PDE4D: variants seen among roughly 807,000 people sequenced by gnomAD.
PDE4D encodes the protein 3',5'-cyclic-AMP phosphodiesterase 4D.
In PDE4D, 24 loss-of-function variants were observed where a neutral mutation model predicts 87.4. That is an observed-to-expected ratio of 0.27 (90% CI 0.20 to 0.39). The LOEUF is 0.39. Among genes scored for constraint, PDE4D ranks in the 10% least tolerant of loss-of-function variants. PDE4D has a pLI of 1.00. For synonymous variants in PDE4D, 384 were observed against 383.2 expected (o/e 1.00, Z -0.02); for missense variants, 714 against 1,041.0 (o/e 0.69, Z 4.32).
chr5:60,214,961 C>T (rs1200391293), intron 1 of PDE4D, among the ~76,000 whole-genome samples: 2 of 152,066 alleles, frequency 1.3e-5, no homozygotes, highest in African/African-American at 4.8e-5. Context: ...CTGTATTCTT[C>T]CTCTCTCCCA....
intron 1 of PDE4D, among the ~76,000 whole-genome samples, chr5:59,571,951 T>A (rs996329631): frequency 1.3e-5 from 2 of 152,244 alleles, no homozygotes; most frequent in Non-Finnish European, 2.9e-5. Flanking sequence ...TTGGCATTCG[T>A]CTACATCCTC....
intron 1 of PDE4D, among the ~76,000 whole-genome samples, chr5:60,368,156 GA>G (rs1194353108): frequency 6.6e-6 from 1 of 152,110 alleles, no homozygotes; most frequent in African/African-American, 2.4e-5. Context: ...AAATAACAAC[GA>G]TAAGTTTTCT....
intron 1 of PDE4D, among the ~76,000 whole-genome samples, chr5:59,394,406 G>A (rs983129727): frequency 6.6e-6 from 1 of 152,096 alleles, no homozygotes; most frequent in African/African-American, 2.4e-5. Flanking sequence ...CTGAAGGGAG[G>A]TTTCTGGGCC....
rs564163365 is a variant in PDE4D at position 59,731,117 on chromosome 5, T to TA, written c.455+162050dup. 6.5e-3 allele frequency among the ~76,000 whole-genome samples: 985 copies of TA among 151,878 alleles called. 11 individuals are homozygous for TA. The highest frequency in any genetic ancestry group is 0.022 in the African/African-American group (897 of 41,386). Reference sequence around the variant, plus strand: ...TTAATCACCCAATAATATGTCTAGTTAAAAAAAACAAGCTCCTCAGCTTCC... The same window carrying TA: ...TTAATCACCCAATAATATGTCTAGTTAAAAAAAAACAAGCTCCTCAGCTTCC... On this transcript the variant is annotated intron_variant, in intron 1 of 14. Coordinates refer to ENST00000340635, the MANE Select transcript of PDE4D (RefSeq NM_001104631.2).
chr5:59,325,747 C>A (rs1294663915), intron 1 of PDE4D, among the ~76,000 whole-genome samples: 1 of 152,080 alleles, frequency 6.6e-6, no homozygotes, highest in African/African-American at 2.4e-5. Flanking sequence ...TGAGCCAGTA[C>A]TATTGACAGT....
intron 1 of PDE4D, among the ~76,000 whole-genome samples, chr5:60,270,605 T>C (rs1750712936): frequency 1.3e-5 from 2 of 152,146 alleles, no homozygotes; most frequent in Admixed American, 1.3e-4. Flanking sequence ...AAAAGAAAAG[T>C]CCAGAAATCA....
chr5:60,002,466 GA>G (rs1255411364), intron 2 of PDE4D, among the ~76,000 whole-genome samples: 1 of 151,598 alleles, frequency 6.6e-6, no homozygotes, highest in Non-Finnish European at 1.5e-5. Flanking sequence ...GACCCTATAA[GA>G]AAAAAAATTA....
intron 1 of PDE4D, among the ~76,000 whole-genome samples, chr5:59,802,107 A>G (rs1388519483): frequency 6.6e-6 from 1 of 152,224 alleles, no homozygotes; most frequent in Non-Finnish European, 1.5e-5. Flanking sequence ...AAGAAACTCT[A>G]AAACATTTTT....
At chr5:59,428,046 G>C (rs960664976) in intron 1 of PDE4D, among the ~76,000 whole-genome samples, 2 of 152,136 alleles carry the variant, frequency 1.3e-5, no homozygotes, top group East Asian at 3.8e-4. Context: ...TTAAGATTTA[G>C]TATGTTAACT....
At chr5:59,149,524 C>T (rs1174132580) in intron 5 of PDE4D, among the ~76,000 whole-genome samples, 2 of 152,006 alleles carry the variant, frequency 1.3e-5, no homozygotes, top group Non-Finnish European at 2.9e-5. Context: ...AAGTTACAGC[C>T]TAAGGACAAA....
chr5:60,275,997 A>G (rs1751329480), intron 1 of PDE4D, among the ~76,000 whole-genome samples: 1 of 152,048 alleles, frequency 6.6e-6, no homozygotes, highest in Non-Finnish European at 1.5e-5. Context: ...AAGAACAAAC[A>G]CTCTGTATGA....
intron 1 of PDE4D, among the ~76,000 whole-genome samples, chr5:59,743,358 C>T (rs1044557535): frequency 6.6e-6 from 1 of 152,004 alleles, no homozygotes; most frequent in Non-Finnish European, 1.5e-5. Flanking sequence ...TTAAATAACT[C>T]CACCAAAAAA....
At chr5:59,267,912 A>G (rs1476346367) in intron 1 of PDE4D, among the ~76,000 whole-genome samples, 2 of 151,930 alleles carry the variant, frequency 1.3e-5, no homozygotes, top group African/African-American at 2.4e-5. Context: ...TATGGCAGAA[A>G]TTCTTAGGGC....
chr5:59,413,262 C>A (rs143416558), intron 1 of PDE4D, among the ~76,000 whole-genome samples: 10,164 of 151,800 alleles, frequency 0.067, 920 homozygotes, highest in African/African-American at 0.21. Context: ...TCGAGACCAT[C>A]CTGGCTAACA....
At chr5:60,268,084 C>T (rs979484671) in intron 1 of PDE4D, among the ~76,000 whole-genome samples, 5 of 152,084 alleles carry the variant, frequency 3.3e-5, no homozygotes, top group Non-Finnish European at 7.3e-5. Flanking sequence ...TAGAGAGAAC[C>T]GCTACAGCAC....
intron 1 of PDE4D, among the ~76,000 whole-genome samples, chr5:59,230,160 C>T (rs1038381516): frequency 6.6e-6 from 1 of 152,068 alleles, no homozygotes; most frequent in African/African-American, 2.4e-5. Context: ...TCCCTCCCTC[C>T]CTATCACCTC....
At chr5:59,768,807 G>C (rs1435137181) in intron 1 of PDE4D, among the ~76,000 whole-genome samples, 4 of 152,204 alleles carry the variant, frequency 2.6e-5, no homozygotes, top group African/African-American at 9.6e-5. Context: ...CTTTGTCCGT[G>C]CTACAAAGCA....
chr5:60,515,005 T>A (rs966846053), intron 1 of PDE4D, among the ~76,000 whole-genome samples: 1 of 152,142 alleles, frequency 6.6e-6, no homozygotes, highest in African/African-American at 2.4e-5. Context: ...AAAAATCAAC[T>A]GTATTTCTGA....
rs116558077 is a variant in PDE4D at position 59,885,438 on chromosome 5, C to G, written c.455+7730G>C. Among the ~76,000 whole-genome samples, 487 of 152,278 alleles carry G rather than the reference C, an allele frequency of 3.2e-3. 5 individuals carry two copies. Among genetic ancestry groups the G allele is most frequent in the Middle Eastern group, 0.01 (3 of 294 alleles). ...AATCCCATTTCAAACTGCTTACTTTCAGCCACCCCAACGATAATCTTACTC... is the reference window on the plus strand; with the variant it reads ...AATCCCATTTCAAACTGCTTACTTTGAGCCACCCCAACGATAATCTTACTC... On this transcript the variant is annotated intron_variant, in intron 1 of 14. Coordinates refer to ENST00000340635, the MANE Select transcript of PDE4D (RefSeq NM_001104631.2).
Sources: gnomAD v4.1 joint callset for allele counts (sites outside exome capture counted in the v4.1 genomes callset) on GRCh38, gnomAD v4.1.1 for gene constraint, MANE v1.5 for transcripts, NCBI Gene and HGNC (gene_info 2026-07-23, HGNC 2026-07-21) for gene names.